Variants in TMTC4 observed in about 807,000 individuals in gnomAD.
TMTC4 encodes protein O-mannosyl-transferase TMTC4.
In TMTC4, 65 loss-of-function variants were observed where a neutral mutation model predicts 86.0. The observed-to-expected ratio is 0.76, with a 90% CI of 0.62 to 0.93. The LOEUF is 0.93. TMTC4 is among the 40% of genes least tolerant of loss of function. The pLI, the probability that TMTC4 is intolerant of heterozygous loss-of-function variation, is 0.00. For synonymous variants in TMTC4, 379 were observed against 382.5 expected (o/e 0.99, Z 0.11); for missense variants, 866 against 948.1 (o/e 0.91, Z 1.14).
chr13:100,668,521 T>A (rs2139061569), intron 3 of TMTC4, 58 bp downstream of exon 3: 2 of 1,527,930 alleles, frequency 1.3e-6, no homozygotes, highest in East Asian at 2.3e-5. Context: ...CATACTTAGA[T>A]GATTACTGAG....
chr13:100,618,536 G>C (rs112170663), intron 15 of TMTC4, among the ~76,000 whole-genome samples: 2,771 of 149,990 alleles, frequency 0.018, 73 homozygotes, highest in African/African-American at 0.056. Context: ...GTTTCTCGCA[G>C]AGGGGGATTT....
chr13:100,656,181 T>C (rs1264624416), intron 6 of TMTC4, among the ~76,000 whole-genome samples, 200 bp downstream of exon 6: 1 of 152,218 alleles, frequency 6.6e-6, no homozygotes, highest in African/African-American at 2.4e-5. Context: ...TGAACACCAG[T>C]GTCAGAGCTT....
chr13:100,670,649 T>TA (rs1477645355), intron 1 of TMTC4, 80 bp from the exon 2 acceptor site: 4 of 381,930 alleles, frequency 1.0e-5, no homozygotes, highest in Non-Finnish European at 1.9e-5. Flanking sequence ...TCCTGCTACT[T>TA]AAAAAACAAC....
At chr13:100,626,190 T>G in intron 12 of TMTC4, 40 bp from the exon 13 acceptor site, 1 of 1,596,540 alleles carries the variant, frequency 6.3e-7, no homozygotes, top group African/African-American at 1.3e-5. Context: ...CAGACAGACT[T>G]CTTGTTCAGA....
intron 3 of TMTC4, chr13:100,666,254 G>A (rs1886386389): frequency 6.0e-6 from 2 of 333,262 alleles, no homozygotes; most frequent in South Asian, 4.9e-5. Flanking sequence ...GAAGCATCTG[G>A]AAAACAGTCT....
intron 16 of TMTC4, among the ~76,000 whole-genome samples, chr13:100,612,787 C>T (rs1319711827): frequency 1.3e-5 from 2 of 151,960 alleles, no homozygotes; most frequent in African/African-American, 2.4e-5. Context: ...CCATCTAAAA[C>T]CTAGTTTTAA....
chr13:100,656,327 C>T (rs1885100713), intron 6 of TMTC4, 54 bp downstream of exon 6: 1 of 1,523,540 alleles, frequency 6.6e-7, no homozygotes, highest in East Asian at 2.3e-5. Flanking sequence ...CACTGCTCAA[C>T]AGGACAAAAA....
intron 4 of TMTC4, among the ~76,000 whole-genome samples, chr13:100,663,668 T>C (rs1270152200): frequency 1.3e-5 from 2 of 152,190 alleles, no homozygotes; most frequent in Admixed American, 6.5e-5. Context: ...CTATTCTGAC[T>C]GCTTCTCAGC....
At chr13:100,664,413 G>A (rs1886163565) in intron 3 of TMTC4, 77 bp from the exon 4 acceptor site, 8 of 1,053,762 alleles carry the variant, frequency 7.6e-6, no homozygotes, top group Non-Finnish European at 1.1e-5. Flanking sequence ...TCTCTCACCT[G>A]GGATGCAGTC....
At chr13:100,656,245 TA>T in intron 6 of TMTC4, 135 bp downstream of exon 6, 1 of 645,988 alleles carries the variant, frequency 1.5e-6, no homozygotes, top group South Asian at 2.3e-5. Flanking sequence ...AAAGAGAGTT[TA>T]TGCATCCTCT....
chr13:100,607,895 A>G (rs1216491206), intron 17 of TMTC4, among the ~76,000 whole-genome samples: 1 of 151,868 alleles, frequency 6.6e-6, no homozygotes, highest in Non-Finnish European at 1.5e-5. Flanking sequence ...AGGGGCTGAA[A>G]CTCCTTCCAA....
chr13:100,632,850 A>C lies in TMTC4; in HGVS notation c.1506+1955T>G, dbSNP rs562033160. Reference sequence around the variant, plus strand: ...CCACCCAGGAGGATTACATTTAAGCAATCTAGGCAGCTCTTATGCTGAGGA... The same window carrying C: ...CCACCCAGGAGGATTACATTTAAGCCATCTAGGCAGCTCTTATGCTGAGGA... On this transcript the variant is annotated intron_variant, in intron 12 of 18. Coordinates refer to ENST00000342624, the MANE Select transcript of TMTC4 (RefSeq NM_032813.5). Among the ~76,000 whole-genome samples, 17 of 152,340 alleles carry C rather than the reference A, an allele frequency of 1.1e-4. No individual in the cohort carries two copies. In the South Asian group the frequency reaches 3.3e-3, roughly 30 times the overall value.
At chr13:100,639,282 T>C (rs1207395790) in intron 7 of TMTC4, among the ~76,000 whole-genome samples, 1 of 152,232 alleles carries the variant, frequency 6.6e-6, no homozygotes, top group Non-Finnish European at 1.5e-5. Flanking sequence ...AATTATCTAA[T>C]ACATGGGCCA....
intron 5 of TMTC4, among the ~76,000 whole-genome samples, chr13:100,661,890 A>T (rs1211912750): frequency 6.6e-6 from 1 of 152,174 alleles, no homozygotes; most frequent in Non-Finnish European, 1.5e-5. Context: ...GAAGTAATAA[A>T]GTGTATGTGA....
chr13:100,674,788 G>A lies in TMTC4; in HGVS notation c.-252C>T, dbSNP rs1243662530. On this transcript the variant is annotated 5_prime_UTR_variant, in exon 1 of 19. Transcript: ENST00000342624. ...CGGCCGCATCTCCCTCCCGGGTGCG[G>A]AAACTCTGGCGGCTCCAGGCACCCG... 3.0e-6 allele frequency: 3 copies of A among 983,736 alleles called. No homozygotes were observed. Among genetic ancestry groups the A allele is most frequent in the Non-Finnish European group, 3.6e-6 (3 of 829,300 alleles). 60.9% of individuals were successfully genotyped at this position (983,736 alleles called of 1,614,324 possible).
chr13:100,668,390 G>C (rs1886654723), intron 3 of TMTC4, 189 bp downstream of exon 3: 2 of 616,118 alleles, frequency 3.2e-6, no homozygotes, highest in South Asian at 4.0e-5. Context: ...TCAGAACCTT[G>C]GTGCCAGCAA....
intron 16 of TMTC4, among the ~76,000 whole-genome samples, chr13:100,612,922 T>C (rs1201772259): frequency 2.0e-5 from 3 of 151,992 alleles, no homozygotes; most frequent in Non-Finnish European, 4.4e-5. Flanking sequence ...GAAACAACCA[T>C]ATATCTCTGC....
chr13:100,670,146 CCCTGTTCTTTT>C, intron 2 of TMTC4: 1 of 516,118 alleles, frequency 1.9e-6, no homozygotes, highest in Admixed American at 4.1e-5. Flanking sequence ...GGGACCTGGA[CCCTGTTCTTTT>C]CCTGCTGAGA....
intron 3 of TMTC4, chr13:100,666,140 T>C (rs1293392989): frequency 4.5e-6 from 2 of 442,942 alleles, no homozygotes; most frequent in Non-Finnish European, 9.1e-6. Flanking sequence ...TTCCTCATAA[T>C]GATTTATGGA....
Sources: gnomAD v4.1 joint callset for allele counts (sites outside exome capture counted in the v4.1 genomes callset) on GRCh38, gnomAD v4.1.1 for gene constraint, MANE v1.5 for transcripts, NCBI Gene and HGNC (gene_info 2026-07-23, HGNC 2026-07-21) for gene names.